PEAK1: variants seen among roughly 807,000 people sequenced by gnomAD.
PEAK1 encodes inactive tyrosine-protein kinase PEAK1.
A neutral mutation model predicts 124.7 loss-of-function variants in PEAK1; 54 were observed. The observed-to-expected ratio is 0.43, with a 90% CI of 0.35 to 0.54. PEAK1 has a LOEUF of 0.54. Ranked by LOEUF, PEAK1 falls within the 20% of genes least tolerant of loss-of-function variation. The pLI is 0.01. For missense variants in PEAK1, 2,046 were observed against 2,134.5 expected (o/e 0.96, Z 0.82); for synonymous variants, 719 against 760.0 (o/e 0.95, Z 0.89).
intron 6 of PEAK1, among the ~76,000 whole-genome samples, chr15:77,188,352 A>G (rs1329911969): frequency 9.2e-5 from 14 of 152,238 alleles, no homozygotes; most frequent in Non-Finnish European, 1.5e-5. Context: ...TCATGTAACA[A>G]CAAATGCACC....
intron 1 of PEAK1, chr15:77,419,710 G>A (rs1353075145): frequency 5.1e-6 from 5 of 975,140 alleles, no homozygotes; most frequent in Admixed American, 6.2e-5. Context: ...CTTCCTCTGG[G>A]GGGCGTCGCG....
intron 6 of PEAK1, among the ~76,000 whole-genome samples, chr15:77,244,972 T>C (rs1353071838): frequency 6.6e-6 from 1 of 152,214 alleles, no homozygotes; most frequent in Non-Finnish European, 1.5e-5. Flanking sequence ...ATTCATAATG[T>C]ATACACATTT....
chr15:77,261,557 G>GA (rs2061441440), intron 5 of PEAK1, among the ~76,000 whole-genome samples: 1 of 150,546 alleles, frequency 6.6e-6, no homozygotes, highest in Admixed American at 6.6e-5. Flanking sequence ...TGCGAGTTTA[G>GA]AAAAAAAGAA....
chr15:77,323,166 A>C (rs947759527), intron 2 of PEAK1, among the ~76,000 whole-genome samples: 1 of 152,212 alleles, frequency 6.6e-6, no homozygotes, highest in Non-Finnish European at 1.5e-5. Context: ...ACAAACCCAC[A>C]GCCAACATCA....
chr15:77,211,577 G>A (rs1402249361), intron 6 of PEAK1, among the ~76,000 whole-genome samples: 1 of 151,994 alleles, frequency 6.6e-6, no homozygotes, highest in Non-Finnish European at 1.5e-5. Context: ...GGCCAGGCAC[G>A]GCAGTTCACG....
chr15:77,331,616 TTTAC>T (rs574562830), intron 2 of PEAK1, among the ~76,000 whole-genome samples: 103 of 152,254 alleles, frequency 6.8e-4, no homozygotes, highest in Middle Eastern at 3.4e-3. Context: ...TATTTATTTA[TTTAC>T]TTACTTATTT....
chr15:77,308,767 T>G (rs1275834817), intron 2 of PEAK1, among the ~76,000 whole-genome samples: 1 of 152,128 alleles, frequency 6.6e-6, no homozygotes, highest in African/African-American at 2.4e-5. Context: ...TGCTTGCTAA[T>G]GTTGCACAAG....
intron 2 of PEAK1, chr15:77,355,903 C>A: frequency 1.0e-6 from 1 of 985,400 alleles, no homozygotes; most frequent in Non-Finnish European, 1.2e-6. Context: ...AGAAAAACCC[C>A]TGGGTTGACT....
intron 2 of PEAK1, among the ~76,000 whole-genome samples, chr15:77,319,050 A>G (rs1597272282): frequency 6.6e-6 from 1 of 152,298 alleles, no homozygotes. Context: ...ATAGGATCCA[A>G]AGAAGACTGT....
intron 8 of PEAK1, among the ~76,000 whole-genome samples, chr15:77,144,703 T>A (rs940382463): frequency 6.6e-6 from 1 of 152,190 alleles, no homozygotes; most frequent in Non-Finnish European, 1.5e-5. Flanking sequence ...CAGAAACTTA[T>A]GCGTTCCAAA....
intron 6 of PEAK1, among the ~76,000 whole-genome samples, chr15:77,219,554 A>G (rs899126907): frequency 5.9e-5 from 9 of 152,136 alleles, no homozygotes; most frequent in Non-Finnish European, 1.0e-4. Flanking sequence ...GTGCTAAATT[A>G]AAAATCAACC....
At chr15:77,266,387 G>A (rs114422467) in intron 5 of PEAK1, among the ~76,000 whole-genome samples, 5,034 of 152,084 alleles carry the variant, frequency 0.033, 274 homozygotes, top group African/African-American at 0.11. Flanking sequence ...CTCCCAACTC[G>A]GCCCAGAACA....
Position 77,181,618 on chromosome 15 carries a change from C to A in PEAK1, c.309G>T (p.Gly103=), listed in dbSNP as rs190396975. Residue 103 remains glycine (G), a synonymous_variant, in exon 7 of 10, where the codon GGG becomes GGT. Transcript: ENST00000682557. ...TCAAGGCAGCTCTGTTTCGGTTCCA[C>A]CCTATGATGACAGGTTTGTTCTCAC... is the stretch of plus-strand genomic sequence containing the variant. ...EHCENKPVII[G]WNRNRAALSQ... is the part of the protein sequence containing the mutation. The A allele has an allele frequency of 6.8e-5, 109 of 1,614,156 alleles. No individual in the cohort carries two copies. The highest frequency in any genetic ancestry group is 3.3e-4 in the Middle Eastern group (2 of 6,062).
intron 2 of PEAK1, among the ~76,000 whole-genome samples, chr15:77,308,900 A>T (rs913997428): frequency 6.6e-6 from 1 of 152,118 alleles, no homozygotes; most frequent in African/African-American, 2.4e-5. Context: ...ATAACATGAC[A>T]TCATGAAAAA....
intron 2 of PEAK1, among the ~76,000 whole-genome samples, chr15:77,341,971 CAATA>C (rs1329806448): frequency 1.3e-5 from 2 of 151,848 alleles, no homozygotes; most frequent in African/African-American, 4.8e-5. Flanking sequence ...TAGATTTTTA[CAATA>C]AATAAAATTT....
At chr15:77,350,582 G>A (rs2067146301) in intron 2 of PEAK1, 3 of 943,014 alleles carry the variant, frequency 3.2e-6, no homozygotes, top group African/African-American at 1.8e-5. Context: ...AGGCAAAATA[G>A]TAAGTATATG....
chr15:77,285,323 C>T (rs1027952303), intron 3 of PEAK1, among the ~76,000 whole-genome samples: 4 of 152,140 alleles, frequency 2.6e-5, no homozygotes, highest in African/African-American at 9.7e-5. Flanking sequence ...CGTTAGTTCC[C>T]ATCTCTAATC....
At chr15:77,185,543 A>G (rs2057500236) in intron 6 of PEAK1, among the ~76,000 whole-genome samples, 1 of 152,230 alleles carries the variant, frequency 6.6e-6, no homozygotes, top group South Asian at 2.1e-4. Context: ...ACTTACATAC[A>G]TGCCCATTGG....
chr15:77,373,912 C>A (rs2068820019), intron 1 of PEAK1, among the ~76,000 whole-genome samples: 1 of 152,088 alleles, frequency 6.6e-6, no homozygotes, highest in East Asian at 1.9e-4. Context: ...CAAGAAAAAT[C>A]CAGATACTAA....
Sources: allele counts gnomAD v4.1 joint callset (sites outside exome capture counted in the v4.1 genomes callset), GRCh38; gene constraint gnomAD v4.1.1; transcripts MANE v1.5; gene names NCBI Gene and HGNC (gene_info 2026-07-23, HGNC 2026-07-21).